The following LRP1B variants were observed in gnomAD, a reference collection of about 807,000 sequenced individuals.
LRP1B encodes low-density lipoprotein receptor-related protein 1B.
A neutral mutation model predicts 556.6 loss-of-function variants in LRP1B; 217 were observed. That is an observed-to-expected ratio of 0.39 (90% CI 0.35 to 0.44). The LOEUF (loss-of-function observed/expected upper bound fraction) is 0.44, where lower values mean the gene tolerates loss of function less well. Ranked by LOEUF, LRP1B falls within the 20% of genes least tolerant of loss-of-function variation. LRP1B has a pLI of 1.00. For synonymous variants in LRP1B, 2,047 were observed against 1,865.8 expected, an observed-to-expected ratio of 1.10 and a Z score of -2.50; for missense variants, 5,053 against 5,620.8, an observed-to-expected ratio of 0.90 and a Z score of 3.23.
intron 1 of LRP1B, among the ~76,000 whole-genome samples, chr2:142,093,263 T>C (rs928704286): frequency 5.3e-5 from 8 of 152,112 alleles, no homozygotes; most frequent in Non-Finnish European, 7.4e-5. Context: ...CAATTTTTCC[T>C]TCTCGCCTTC....
intron 7 of LRP1B, among the ~76,000 whole-genome samples, chr2:141,178,696 C>A (rs1680851835): frequency 6.6e-6 from 1 of 152,078 alleles, no homozygotes; most frequent in Non-Finnish European, 1.5e-5. Context: ...CAAGGAACTG[C>A]CTAACCAGAT....
intron 2 of LRP1B, among the ~76,000 whole-genome samples, chr2:141,759,179 A>T (rs1171598956): frequency 6.6e-6 from 1 of 152,174 alleles, no homozygotes; most frequent in East Asian, 1.9e-4. Flanking sequence ...GAAAGCCATG[A>T]CATAAAAAGA....
intron 3 of LRP1B, among the ~76,000 whole-genome samples, chr2:141,392,788 A>C (rs1452159643): frequency 6.6e-6 from 1 of 152,172 alleles, no homozygotes; most frequent in Non-Finnish European, 1.5e-5. Flanking sequence ...TGGGAAGAGG[A>C]TCTTTCAATC....
At chr2:141,213,062 G>C in intron 6 of LRP1B, among the ~76,000 whole-genome samples, 1 of 151,758 alleles carries the variant, frequency 6.6e-6, no homozygotes. Flanking sequence ...AACATCCCTG[G>C]CTCTGGTGTT....
At chr2:141,680,121 T>C (rs1318420988) in intron 2 of LRP1B, among the ~76,000 whole-genome samples, 3 of 152,004 alleles carry the variant, frequency 2.0e-5, no homozygotes, top group Non-Finnish European at 2.9e-5. Flanking sequence ...ATGTGTTATA[T>C]TATTCTCTTT....
chr2:140,888,013 A>G (rs1257647290), intron 23 of LRP1B, among the ~76,000 whole-genome samples: 2 of 152,190 alleles, frequency 1.3e-5, no homozygotes, highest in Non-Finnish European at 2.9e-5. Context: ...AGTGAATCTT[A>G]TGGTATGTAA....
In LRP1B at chr2:140,664,065, C is replaced by T. The variant is rs373146982; in HGVS notation, c.6799+36185G>A. ...CTGTATTTCTGACTGCTCATTTTGA[C>T]GGCAAGTAATTAAGTTCACTCTCTT... On this transcript the variant is annotated intron_variant, in intron 41 of 90. Coordinates refer to ENST00000389484, the MANE Select transcript of LRP1B (RefSeq NM_018557.3). Among the ~76,000 whole-genome samples the T allele has an allele frequency of 1.1e-3, 162 of 152,216 alleles. 4 individuals are homozygous for T. The highest frequency in any genetic ancestry group is 0.01 in the Admixed American group (154 of 15,286).
chr2:140,695,500 T>G (rs1302139261), intron 41 of LRP1B, among the ~76,000 whole-genome samples: 4 of 152,224 alleles, frequency 2.6e-5, no homozygotes. Context: ...TGTCTCTCTG[T>G]AGCATCTATG....
intron 41 of LRP1B, among the ~76,000 whole-genome samples, chr2:140,678,523 C>T (rs1418546096): frequency 1.3e-5 from 2 of 152,136 alleles, no homozygotes; most frequent in Non-Finnish European, 2.9e-5. Context: ...ATTTTTTCCC[C>T]TTTAAGTAAG....
At chr2:140,760,814 G>T (rs113847044) in intron 35 of LRP1B, among the ~76,000 whole-genome samples, 1 of 152,028 alleles carries the variant, frequency 6.6e-6, no homozygotes, top group Non-Finnish European at 1.5e-5. Flanking sequence ...TCTTGAACCC[G>T]GGAGGCGGAA....
intron 1 of LRP1B, among the ~76,000 whole-genome samples, chr2:142,105,783 T>C (rs1352867292): frequency 6.6e-6 from 1 of 152,160 alleles, no homozygotes; most frequent in Non-Finnish European, 1.5e-5. Context: ...ACTTCAATTA[T>C]TAATATACGT....
chr2:141,467,785 C>G (rs1406708381), intron 3 of LRP1B, among the ~76,000 whole-genome samples: 1 of 137,960 alleles, frequency 7.2e-6, no homozygotes, highest in African/African-American at 2.7e-5. Flanking sequence ...ATATTCCTGA[C>G]AAAAAGCACA....
chr2:142,102,258 C>A (rs72851420), intron 1 of LRP1B, among the ~76,000 whole-genome samples: 3 of 151,924 alleles, frequency 2.0e-5, no homozygotes, highest in Non-Finnish European at 2.9e-5. Context: ...CCAATTTGTA[C>A]CCCAATCACA....
chr2:141,887,699 G>C (rs147593185), intron 1 of LRP1B, among the ~76,000 whole-genome samples: 1 of 152,284 alleles, frequency 6.6e-6, no homozygotes, highest in East Asian at 1.9e-4. Flanking sequence ...TTAAACTGTA[G>C]CTTTGCCTAG....
At chr2:141,657,374 T>G (rs912057003) in intron 2 of LRP1B, among the ~76,000 whole-genome samples, 3 of 152,120 alleles carry the variant, frequency 2.0e-5, no homozygotes, top group African/African-American at 7.2e-5. Context: ...ACGGATCAAA[T>G]AAATTTTATT....
chr2:141,921,076 G>A (rs1219605698), intron 1 of LRP1B, among the ~76,000 whole-genome samples: 1 of 151,922 alleles, frequency 6.6e-6, no homozygotes, highest in Non-Finnish European at 1.5e-5. Flanking sequence ...ATTATTTTAG[G>A]AAGCTATGTT....
intron 1 of LRP1B, among the ~76,000 whole-genome samples, chr2:141,876,188 A>G (rs1698752875): frequency 6.6e-6 from 1 of 151,994 alleles, no homozygotes; most frequent in Non-Finnish European, 1.5e-5. Context: ...AATCTTATGC[A>G]ATATTTTGCT....
At chr2:140,813,273 T>C (rs1690991316) in intron 32 of LRP1B, among the ~76,000 whole-genome samples, 1 of 152,218 alleles carries the variant, frequency 6.6e-6, no homozygotes, top group Admixed American at 6.5e-5. Context: ...TTTTGAATTC[T>C]ACCTATGGAT....
chr2:140,613,745 C>T (rs991095331), intron 41 of LRP1B, among the ~76,000 whole-genome samples: 22 of 152,000 alleles, frequency 1.4e-4, no homozygotes, highest in Admixed American at 3.3e-4. Context: ...TATGATGACC[C>T]TAGTCCCCTT....
Sources: allele counts gnomAD v4.1 joint callset (sites outside exome capture counted in the v4.1 genomes callset), GRCh38; gene constraint gnomAD v4.1.1; transcripts MANE v1.5; gene names NCBI Gene and HGNC (gene_info 2026-07-23, HGNC 2026-07-21).